Variants in P3H2 observed in about 807,000 individuals in gnomAD.
The protein encoded by P3H2 is prolyl 3-hydroxylase 2, also known as leprecan-like 1.
Under a neutral mutation model 87.0 loss-of-function variants are expected in P3H2, and 80 were observed. The observed-to-expected ratio is 0.92, with a 90% CI of 0.77 to 1.11. The LOEUF (loss-of-function observed/expected upper bound fraction) is 1.11. Among genes scored for constraint, P3H2 ranks in the 50% least tolerant of loss-of-function variants. The pLI is 0.00. For missense variants in P3H2, 1,001 were observed against 923.9 expected, an observed-to-expected ratio of 1.08 and a Z score of -1.08; for synonymous variants, 367 against 359.3, an observed-to-expected ratio of 1.02 and a Z score of -0.24.
chr3:190,059,903 T>C (rs1219354512), intron 1 of P3H2, among the ~76,000 whole-genome samples: 1 of 152,160 alleles, frequency 6.6e-6, no homozygotes, highest in African/African-American at 2.4e-5. Flanking sequence ...CATGGTACCA[T>C]ATGAATGAAG....
chr3:190,041,262 G>A (rs1725623216), intron 1 of P3H2, among the ~76,000 whole-genome samples: 1 of 101,842 alleles, frequency 9.8e-6, no homozygotes, highest in Non-Finnish European at 1.9e-5. Context: ...ACAACAAAGT[G>A]ATAACCTGTC....
intron 1 of P3H2, among the ~76,000 whole-genome samples, chr3:190,101,192 C>T (rs868153160): frequency 4.0e-5 from 6 of 151,830 alleles, no homozygotes; most frequent in Admixed American, 1.3e-4. Flanking sequence ...CACAACAACA[C>T]TGAAATTAGG....
At chr3:190,053,310 G>T (rs140611731) in intron 1 of P3H2, among the ~76,000 whole-genome samples, 29 of 152,022 alleles carry the variant, frequency 1.9e-4, no homozygotes, top group African/African-American at 3.6e-4. Flanking sequence ...AAATATTTTT[G>T]ATTGTAAAAT....
chr3:189,980,944 T>G (rs2108914472), intron 8 of P3H2, among the ~76,000 whole-genome samples: 1 of 152,284 alleles, frequency 6.6e-6, no homozygotes, highest in South Asian at 2.1e-4. Context: ...GAAAGGAGTT[T>G]GGGGCCTGCA....
intron 1 of P3H2, among the ~76,000 whole-genome samples, chr3:190,086,314 C>G (rs1318906639): frequency 1.3e-5 from 2 of 152,162 alleles, no homozygotes; most frequent in African/African-American, 4.8e-5. Flanking sequence ...ATTGACAGCT[C>G]AGAGTGAAAC....
chr3:190,075,369 C>T (rs1305824594), intron 1 of P3H2, among the ~76,000 whole-genome samples: 4 of 151,702 alleles, frequency 2.6e-5, no homozygotes, highest in Admixed American at 6.6e-5. Context: ...CATGTAATCC[C>T]AGCTACTCGG....
At position 189,986,875 on chromosome 3, in the gene P3H2, A is replaced by G; in HGVS notation, c.1101T>C (p.Asp367=). ...TATGACGTTTCACAAACATTGTTAAATCCTAGAGAAAAAGAAGTAAAGAAA... is the reference window on the plus strand; with the variant it reads ...TATGACGTTTCACAAACATTGTTAAGTCCTAGAGAAAAAGAAGTAAAGAAA... The part of the protein sequence containing the change: ...IDPASIEARE[D]LTMFVKRHKL... The change falls in exon 6 of 15, where the codon GAT becomes GAC. Residue 367 remains aspartate, a splice_region_variant and synonymous_variant. Transcript: ENST00000319332. 1 of 1,604,268 alleles carries G rather than the reference A, an allele frequency of 6.2e-7. No homozygotes were observed. The highest frequency in any genetic ancestry group is 8.5e-7 in the Non-Finnish European group (1 of 1,171,138).
intron 1 of P3H2, among the ~76,000 whole-genome samples, chr3:190,023,691 C>T (rs192223102): frequency 8.6e-4 from 131 of 152,166 alleles, no homozygotes; most frequent in African/African-American, 3.1e-3. Flanking sequence ...CTAACCTTGT[C>T]AATGAGAGTC....
chr3:190,055,424 T>C (rs1726118652), intron 1 of P3H2, among the ~76,000 whole-genome samples: 1 of 151,626 alleles, frequency 6.6e-6, no homozygotes, highest in Non-Finnish European at 1.5e-5. Flanking sequence ...TAAAAAAGAA[T>C]CACCATAACA....
Position 189,958,019 on chromosome 3 carries a change from A to T in P3H2, c.2035-15T>A. ...TGTATTCGCTCCTGCAAAAAAGACA[A>T]TTTACACATTTCTGTTACAAGCATA... On this transcript the variant is annotated splice_polypyrimidine_tract_variant and intron_variant, in intron 14 of 14. Coordinates refer to ENST00000319332, the MANE Select transcript of P3H2 (RefSeq NM_018192.4). The T allele has an allele frequency of 6.3e-7, 1 of 1,581,648 alleles. No individual in the cohort carries two copies. The highest frequency in any genetic ancestry group is 8.7e-7 in the Non-Finnish European group (1 of 1,150,424).
intron 1 of P3H2, among the ~76,000 whole-genome samples, chr3:190,027,186 A>G (rs1725109594): frequency 6.6e-6 from 1 of 152,248 alleles, no homozygotes; most frequent in Non-Finnish European, 1.5e-5. Context: ...AAACACAAGC[A>G]GTTTGGCTCT....
At chr3:190,042,632 A>G (rs1297031526) in intron 1 of P3H2, among the ~76,000 whole-genome samples, 1 of 152,240 alleles carries the variant, frequency 6.6e-6, no homozygotes, top group Non-Finnish European at 1.5e-5. Flanking sequence ...GAATAAAAGT[A>G]CAGTATGTTC....
rs770165435 is a variant in P3H2, at chr3:190,019,780, T to TAAAA, written c.481-24342_481-24339dup. 5.5e-3 allele frequency among the ~76,000 whole-genome samples: 317 copies of TAAAA among 57,192 alleles called. 40 individuals are homozygous for TAAAA. The highest frequency in any genetic ancestry group is 0.034 in the South Asian group (40 of 1,188). 37.5% of individuals were successfully genotyped at this position (57,192 alleles called of 152,430 possible). ...AATCCATGTGACATTACCTAGAAAT[T>TAAAA]AAAAAATATATATATATATATATAT... On this transcript the variant is annotated intron_variant, in intron 1 of 14. Coordinates refer to ENST00000319332, the MANE Select transcript of P3H2 (RefSeq NM_018192.4).
chr3:189,986,856 G>A lies in P3H2; in HGVS notation c.1120C>T (p.Arg374Cys), dbSNP rs781419405. The change falls in exon 6 of 15, where the codon CGT (arginine) becomes TGT (cysteine). Residue 374 changes from arginine (R) to cysteine (C), a missense_variant. Arg to Cys is a radical substitution (Grantham distance 180). Transcript: ENST00000319332. ...AREDLTMFVKRHKLESELIKS... is the reference protein window; with the variant it reads ...AREDLTMFVKCHKLESELIKS... Reference sequence around the variant, plus strand: ...ATCAGCTCAGACTCCAGCTTATGACGTTTCACAAACATTGTTAAATCCTAG... The same window carrying A: ...ATCAGCTCAGACTCCAGCTTATGACATTTCACAAACATTGTTAAATCCTAG... 1.1e-5 allele frequency: 17 copies of A among 1,611,788 alleles called. No individual in the cohort carries two copies. Among genetic ancestry groups the A allele is most frequent in the South Asian group, 1.1e-5 (1 of 91,046 alleles).
rs1723193077 is a variant in P3H2, at chr3:189,971,992, C to A, written c.1715G>T (p.Arg572Ile). Residue 572 changes from arginine (R) to isoleucine (I), a missense_variant, in exon 12 of 15, where the codon AGA (arginine) becomes ATA (isoleucine). By Grantham distance (97) the Arg-to-Ile change is moderately conservative. Transcript: ENST00000319332. ...RTALSGQQDR[R>I]NDLSHPIHAD... ...ATGGATGGGATGACTGAGGTCATTT[C>A]TTCTATCCTGCTGACCTGCCAGAAA... 2 of 1,610,764 alleles carry A rather than the reference C, an allele frequency of 1.2e-6. No homozygotes were observed. The highest frequency in any genetic ancestry group is 1.3e-5 in the African/African-American group (1 of 74,852).
At chr3:189,969,171 CA>C in intron 13 of P3H2, 1 of 661,892 alleles carries the variant, frequency 1.5e-6, no homozygotes, top group Non-Finnish European at 2.8e-6. Flanking sequence ...CCCGGTCCAC[CA>C]AAACTGCTTC....
At chr3:190,036,276 T>A (rs767319390) in intron 1 of P3H2, among the ~76,000 whole-genome samples, 1 of 152,216 alleles carries the variant, frequency 6.6e-6, no homozygotes, top group Non-Finnish European at 1.5e-5. Flanking sequence ...TACCTAATGA[T>A]GCATTCCACA....
At chr3:189,966,161 AAGAAAGAAAGAAAGAAAGAAAGAAAG>A (rs1722997112) in intron 13 of P3H2, among the ~76,000 whole-genome samples, 1 of 146,368 alleles carries the variant, frequency 6.8e-6, no homozygotes, top group Non-Finnish European at 1.5e-5. Context: ...GAAAGAAAGA[AAGAAAGAAAGAAAGAAAGAAAGAAAG>A]AAAGAAAAGC....
At chr3:189,963,283 A>G (rs1722870127) in intron 14 of P3H2, among the ~76,000 whole-genome samples, 1 of 152,202 alleles carries the variant, frequency 6.6e-6, no homozygotes, top group Non-Finnish European at 1.5e-5. Context: ...ACTTAATGTA[A>G]TAACAGTAAT....
Sources: allele counts gnomAD v4.1 joint callset (sites outside exome capture counted in the v4.1 genomes callset), GRCh38; gene constraint gnomAD v4.1.1; transcripts MANE v1.5; gene names NCBI Gene and HGNC (gene_info 2026-07-23, HGNC 2026-07-21).